TMEM181: variants seen among roughly 807,000 people sequenced by gnomAD.
The protein encoded by TMEM181 is G protein-coupled receptor 178.
Under a neutral mutation model 71.9 loss-of-function variants are expected in TMEM181, and 39 were observed. The ratio of observed to expected loss-of-function variants is 0.54; its 90% CI spans 0.42 to 0.71. The LOEUF is 0.71. TMEM181 is among the 30% of genes least tolerant of loss of function. TMEM181 has a pLI of 0.00. For missense variants in TMEM181, 595 were observed against 583.0 expected, an observed-to-expected ratio of 1.02 and a Z score of -0.21; for synonymous variants, 245 against 228.8, an observed-to-expected ratio of 1.07 and a Z score of -0.64.
At position 158,633,250 on chromosome 6, in the gene TMEM181, A is replaced by G. The variant is rs534173539; in HGVS notation, c.*1362A>G. 1.3e-5 allele frequency: 2 copies of G among 152,184 alleles called. No individual in the cohort carries two copies. Among genetic ancestry groups the G allele is most frequent in the Non-Finnish European group, 2.9e-5 (2 of 68,034 alleles). The allele number at this position is 152,184 out of a possible 1,614,324, so 9.4% of individuals were successfully genotyped here. A position where few individuals can be genotyped will look rare whatever the true frequency, so the allele number is the denominator to read the frequency against. On this transcript the variant is annotated 3_prime_UTR_variant, in exon 17 of 17. Transcript: ENST00000684151. ...TTCCGGAAGGGGTTCCCTGTCCTCC[A>G]TGTGTCCACATGGCGGTCAGGTAGG... is the stretch of plus-strand genomic sequence containing the variant.
intron 6 of TMEM181, among the ~76,000 whole-genome samples, chr6:158,604,877 T>C (rs977978647): frequency 4.6e-5 from 7 of 152,176 alleles, no homozygotes; most frequent in Non-Finnish European, 1.0e-4. Flanking sequence ...CTCTTGGTAA[T>C]TAAGATTTTT....
Position 158,623,626 on chromosome 6 carries a change from G to T in TMEM181, c.954+19G>T. On this transcript the variant is annotated intron_variant, in intron 11 of 16. Coordinates refer to ENST00000684151, the MANE Select transcript of TMEM181 (RefSeq NM_001376852.1). ...TTTTCAGGTAAGGATTGTTAATGAG[G>T]CCTGCAATTTTTCTTCTTAATGCTG... 2 of 1,540,792 alleles carry T rather than the reference G, an allele frequency of 1.3e-6. No individual in the cohort carries two copies. The highest frequency in any genetic ancestry group is 2.3e-5 in the East Asian group (1 of 43,770).
intron 3 of TMEM181, 63 bp from the exon 4 acceptor site, chr6:158,583,891 G>C: frequency 8.2e-7 from 1 of 1,224,268 alleles, no homozygotes; most frequent in Non-Finnish European, 1.2e-6. Context: ...GTGTTAAAAC[G>C]ATGAGGTATT....
intron 10 of TMEM181, among the ~76,000 whole-genome samples, chr6:158,612,351 G>T (rs1785379996): frequency 6.6e-6 from 1 of 152,176 alleles, no homozygotes. Flanking sequence ...GTTCTTTCTG[G>T]TTACTTCCTG....
intron 1 of TMEM181, among the ~76,000 whole-genome samples, chr6:158,551,146 G>A (rs1781711186): frequency 6.6e-6 from 1 of 151,946 alleles, no homozygotes; most frequent in African/African-American, 2.4e-5. Context: ...GTTTTTAGTA[G>A]AGACGGGGTT....
intron 1 of TMEM181, among the ~76,000 whole-genome samples, chr6:158,541,898 CTTTTTTTTTTTT>C (rs10583860): frequency 1.5e-5 from 1 of 66,622 alleles, no homozygotes; most frequent in East Asian, 5.6e-4. Flanking sequence ...GGGATTTTAT[CTTTTTTTTTTTT>C]TTTTTTTTTT....
At chr6:158,559,751 A>C (rs879400156), upstream of TMEM181, among the ~76,000 whole-genome samples, 9 of 152,218 alleles carry the variant, frequency 5.9e-5, no homozygotes, top group Non-Finnish European at 8.8e-5. Flanking sequence ...AAAAATGCAG[A>C]CACCCATAGT....
chr6:158,601,023 G>A (rs948327069), intron 6 of TMEM181, among the ~76,000 whole-genome samples: 3 of 152,016 alleles, frequency 2.0e-5, no homozygotes, highest in East Asian at 3.8e-4. Flanking sequence ...CGACTAAGAC[G>A]TAGTAAACGT....
chr6:158,626,940 C>T (rs898272869), intron 13 of TMEM181, among the ~76,000 whole-genome samples: 2 of 125,820 alleles, frequency 1.6e-5, no homozygotes, highest in Non-Finnish European at 3.5e-5. Context: ...TCATTCTCAC[C>T]CTCACCCTCA....
intron 6 of TMEM181, among the ~76,000 whole-genome samples, chr6:158,600,750 T>A (rs908779503): frequency 6.6e-6 from 1 of 152,102 alleles, no homozygotes; most frequent in African/African-American, 2.4e-5. Flanking sequence ...AGATTACAGG[T>A]GTGAGCCACC....
intron 1 of TMEM181, among the ~76,000 whole-genome samples, chr6:158,545,043 G>A (rs1047863496): frequency 1.3e-5 from 2 of 152,242 alleles, no homozygotes; most frequent in African/African-American, 4.8e-5. Flanking sequence ...CCTTAGAGCC[G>A]CACAGGGAGA....
At chr6:158,574,672 T>C (rs1783062690) in intron 2 of TMEM181, among the ~76,000 whole-genome samples, 1 of 152,214 alleles carries the variant, frequency 6.6e-6, no homozygotes, top group Non-Finnish European at 1.5e-5. Flanking sequence ...CTTCTTTCTT[T>C]CCATACAGTA....
At position 158,605,204 on chromosome 6, in the gene TMEM181, G is replaced by A. The variant is rs141702168; in HGVS notation, c.493-63G>A. 20 of 1,211,168 alleles carry A rather than the reference G, an allele frequency of 1.7e-5. No homozygotes were observed. The East Asian group carries it at 4.5e-4, about 27-fold the overall frequency. The allele number at this position is 1,211,168 out of a possible 1,614,324, so 75.0% of individuals were successfully genotyped here. ...TCTAGAGATAACTATTAGTAATCTG[G>A]TGTATTTTCTCTTAGATGCATATAT... is the stretch of plus-strand genomic sequence containing the variant. On this transcript the variant is annotated intron_variant, in intron 6 of 16. Transcript: ENST00000684151.
At chr6:158,593,886 C>G (rs1183395544) in intron 6 of TMEM181, among the ~76,000 whole-genome samples, 1 of 152,090 alleles carries the variant, frequency 6.6e-6, no homozygotes, top group Non-Finnish European at 1.5e-5. Context: ...ACATTTGTTA[C>G]AGTTAATGAA....
intron 3 of TMEM181, 108 bp from the exon 4 acceptor site, chr6:158,583,846 A>C: frequency 1.4e-6 from 1 of 711,166 alleles, no homozygotes. Flanking sequence ...TTCAAAGCTA[A>C]CACTGAAGCC....
intron 1 of TMEM181, among the ~76,000 whole-genome samples, chr6:158,567,531 T>A (rs1196516811): frequency 6.6e-6 from 1 of 152,154 alleles, no homozygotes; most frequent in Non-Finnish European, 1.5e-5. Flanking sequence ...AGGGAACACT[T>A]CAGGGAGAAG....
chr6:158,537,263 C>A (rs1184376586), intron 1 of TMEM181, among the ~76,000 whole-genome samples: 1 of 152,090 alleles, frequency 6.6e-6, no homozygotes. Context: ...GCGGCGCAGT[C>A]TGGGGAGGCG....
chr6:158,627,520 G>C lies in TMEM181; in HGVS notation c.1110-888G>C, dbSNP rs73797065. 3.4e-3 allele frequency among the ~76,000 whole-genome samples: 519 copies of C among 152,288 alleles called. 2 individuals carry two copies. The highest frequency in any genetic ancestry group is 5.0e-3 in the Non-Finnish European group (342 of 68,022). ...GTCCACTTTAGATGAGTGGTTTGGG[G>C]ATGTATCTCTTGGAGAGGCGACATT... On this transcript the variant is annotated intron_variant, in intron 13 of 16. Transcript: ENST00000684151.
intron 1 of TMEM181, among the ~76,000 whole-genome samples, chr6:158,537,033 G>C (rs1319289143): frequency 6.6e-6 from 1 of 151,874 alleles, no homozygotes. Context: ...ATCTGGGAGG[G>C]ACCAGGAAGG....
Sources: allele counts gnomAD v4.1 joint callset (sites outside exome capture counted in the v4.1 genomes callset), GRCh38; gene constraint gnomAD v4.1.1; transcripts MANE v1.5; gene names NCBI Gene and HGNC (gene_info 2026-07-23, HGNC 2026-07-21).